PTOV1: variants seen among roughly 807,000 people sequenced by gnomAD.
The protein encoded by PTOV1 is prostate tumor-overexpressed gene 1 protein.
In PTOV1, 20 loss-of-function variants were observed where a neutral mutation model predicts 58.0. The ratio of observed to expected loss-of-function variants is 0.34; its 90% CI spans 0.24 to 0.50. PTOV1 has a LOEUF of 0.50. PTOV1 is among the 20% of genes least tolerant of loss of function. PTOV1 has a pLI of 0.98. For missense variants in PTOV1, 593 were observed against 565.4 expected (o/e 1.05, Z -0.50); for synonymous variants, 335 against 234.2 (o/e 1.43, Z -3.93).
chr19:49,860,712 C>T (rs985470720), exon 12 of PTOV1: 12 of 331,824 alleles, frequency 3.6e-5, no homozygotes, highest in Middle Eastern at 8.4e-4. Flanking sequence ...CACCCCTCTA[C>T]GTTTCCCCAA....
chr19:49,855,390 C>T (rs968976430), intron 5 of PTOV1: 12 of 407,776 alleles, frequency 2.9e-5, no homozygotes, highest in East Asian at 9.8e-5. Flanking sequence ...GGACACATAG[C>T]GTATGGCAGG....
chr19:49,852,177 C>A, intron 1 of PTOV1: 1 of 693,800 alleles, frequency 1.4e-6, no homozygotes, highest in Non-Finnish European at 1.8e-6. Context: ...TTGCACCGTG[C>A]ACACGCTTGC....
intron 6 of PTOV1, 53 bp from the exon 7 acceptor site, chr19:49,857,640 A>G: frequency 6.5e-7 from 1 of 1,537,940 alleles, no homozygotes; most frequent in Non-Finnish European, 8.9e-7. Context: ...GGACAGACAG[A>G]CAGGTTTCCC....
chr19:49,851,859 A>C, intron 1 of PTOV1: 1 of 987,888 alleles, frequency 1.0e-6, no homozygotes, highest in Non-Finnish European at 1.2e-6. Flanking sequence ...GAAACCTGGA[A>C]ATGGGGGCGG....
chr19:49,858,419 TGAC>T, intron 9 of PTOV1, 127 bp from the exon 10 acceptor site: 1 of 748,072 alleles, frequency 1.3e-6, no homozygotes, highest in South Asian at 1.7e-5. Context: ...GCGGTGGAGA[TGAC>T]GTTTCCTGAG....
chr19:49,859,916 T>C (rs1276310424), intron 10 of PTOV1, 70 bp from the exon 11 acceptor site: 2 of 1,521,702 alleles, frequency 1.3e-6, no homozygotes, highest in African/African-American at 1.4e-5. Flanking sequence ...GCCCACGGCA[T>C]GATGCCGTGG....
chr19:49,858,330 G>A, intron 9 of PTOV1: 1 of 721,694 alleles, frequency 1.4e-6, no homozygotes, highest in Non-Finnish European at 2.3e-6. Context: ...CGGGGCAGGG[G>A]CAGCCACGAC....
rs569149536 is a variant in PTOV1 at position 49,856,969 on chromosome 19, C to A, written c.559-6C>A. 4.3e-6 allele frequency: 7 copies of A among 1,612,410 alleles called. No individual in the cohort carries two copies. The African/African-American group carries it at 9.3e-5, about 21-fold the overall frequency. ...ACCACAGGGTCCTGACCCGCGGCCC[C>A]CGCAGGCGGGCTGCATGCTGTTCCC... On this transcript the variant is annotated splice_region_variant and splice_polypyrimidine_tract_variant and intron_variant, in intron 5 of 11. Transcript: ENST00000391842.
At chr19:49,851,300 G>A (rs1415018907) in exon 1 of PTOV1, 2 of 1,054,726 alleles carry the variant, frequency 1.9e-6, no homozygotes, top group African/African-American at 1.7e-5. Context: ...GCCCGCGGCA[G>A]CTCCCCGCCC....
chr19:49,851,658 GGT>G, intron 1 of PTOV1, 159 bp downstream of exon 1: 1 of 1,126,092 alleles, frequency 8.9e-7, no homozygotes, highest in Non-Finnish European at 1.1e-6. Context: ...TGGAGCACCC[GGT>G]GGTTCGCGCC....
chr19:49,854,059 C>A (rs1380135270), intron 1 of PTOV1, among the ~76,000 whole-genome samples: 1 of 152,196 alleles, frequency 6.6e-6, no homozygotes, highest in Non-Finnish European at 1.5e-5. Context: ...GGGGAAAGCC[C>A]CCTACAGCTG....
At chr19:49,851,440 C>G (rs1467668416) in exon 1 of PTOV1, 2 of 1,219,318 alleles carry the variant, frequency 1.6e-6, no homozygotes, top group Non-Finnish European at 2.0e-6. Flanking sequence ...GCGCTCCTGG[C>G]CTGCCAGCCC....
chr19:49,857,967 G>A, exon 8 of PTOV1: 2 of 1,613,670 alleles, frequency 1.2e-6, no homozygotes, highest in Non-Finnish European at 1.7e-6. Context: ...CGTGAACCAG[G>A]GGGAGATCCT....
At chr19:49,855,164 G>T in intron 5 of PTOV1, 87 bp downstream of exon 5, 2 of 1,349,048 alleles carry the variant, frequency 1.5e-6, no homozygotes, top group South Asian at 2.5e-5. Flanking sequence ...GCGGGGGTCG[G>T]GGGGTCTCCC....
upstream of PTOV1, chr19:49,850,768 C>T: frequency 3.7e-6 from 5 of 1,334,156 alleles, no homozygotes; most frequent in Non-Finnish European, 5.1e-6. Context: ...TCCGTACCCT[C>T]AGTGGGTTCC....
Position 49,857,227 on chromosome 19 carries a change from C to T in PTOV1, c.714+97C>T, listed in dbSNP as rs531870138. On this transcript the variant is annotated intron_variant, in intron 6 of 11. Transcript: ENST00000391842. ...GACTTGGTGTGGGCGGAGTGTGATG[C>T]GATGGCTGGAGCAAGGAGCTGCAGG... 60 of 1,497,754 alleles carry T rather than the reference C, an allele frequency of 4.0e-5. No homozygotes were observed. The East Asian group carries it at 7.5e-4, about 19-fold the overall frequency. The allele number at this position is 1,497,754 out of a possible 1,614,324, so 92.8% of individuals were successfully genotyped here.
chr19:49,859,901 A>G, intron 10 of PTOV1, 85 bp from the exon 11 acceptor site: 5 of 1,449,130 alleles, frequency 3.5e-6, no homozygotes, highest in Non-Finnish European at 4.8e-6. Context: ...TGCCTGGCTC[A>G]TGGAGCCCAC....
intron 7 of PTOV1, 25 bp from the exon 8 acceptor site, chr19:49,857,879 C>T (rs1392897366): frequency 1.2e-6 from 2 of 1,612,450 alleles, no homozygotes; most frequent in Non-Finnish European, 1.7e-6. Flanking sequence ...GCCCTGAGGG[C>T]TCCTCTTTGC....
At chr19:49,852,331 T>C (rs1435440959) in intron 1 of PTOV1, 1 of 152,806 alleles carries the variant, frequency 6.5e-6, no homozygotes, top group African/African-American at 2.4e-5. Flanking sequence ...ATACCGAGAC[T>C]TAGATCACCT....
Sources: gnomAD v4.1 joint callset for allele counts (sites outside exome capture counted in the v4.1 genomes callset) on GRCh38, gnomAD v4.1.1 for gene constraint, MANE v1.5 for transcripts, NCBI Gene and HGNC (gene_info 2026-07-23, HGNC 2026-07-21) for gene names.